The following PUM3 variants were observed in gnomAD, a reference collection of about 807,000 sequenced individuals.
PUM3 encodes the protein pumilio homolog 3.
In PUM3, 91 loss-of-function variants were observed where a neutral mutation model predicts 84.0. The ratio of observed to expected loss-of-function variants is 1.08; its 90% CI spans 0.91 to 1.29. PUM3 has a LOEUF of 1.29. Among genes scored for constraint, PUM3 ranks in the 50% most tolerant of loss-of-function variants. The probability of loss-of-function intolerance (pLI) is 0.00; values close to 1 mark genes in which losing one functional copy is unlikely to be tolerated. For synonymous variants in PUM3, 321 were observed against 266.7 expected (o/e 1.20, Z -1.98); for missense variants, 1,067 against 767.5 (o/e 1.39, Z -4.61).
Position 2,804,250 on chromosome 9 carries a change from A to G in PUM3, c.*81T>C. ...AGTACCCCAATTACCAGTATGGTGG[A>G]CCCTACCCCTTCTTTTCTGCATTGG... On this transcript the variant is annotated 3_prime_UTR_variant, in exon 18 of 18. Coordinates refer to ENST00000397885, the MANE Select transcript of PUM3 (RefSeq NM_014878.5). 1.4e-6 allele frequency: 2 copies of G among 1,405,914 alleles called. No homozygotes were observed. Among genetic ancestry groups the G allele is most frequent in the Non-Finnish European group, 2.0e-6 (2 of 1,019,496 alleles). 87.1% of individuals were successfully genotyped at this position (1,405,914 alleles called of 1,614,324 possible). A position where few individuals can be genotyped will look rare whatever the true frequency, so the allele number is the denominator to read the frequency against.
At chr9:2,820,495 T>A (rs1267364265) in intron 12 of PUM3, among the ~76,000 whole-genome samples, 1 of 151,776 alleles carries the variant, frequency 6.6e-6, no homozygotes, top group Non-Finnish European at 1.5e-5. Context: ...GATACTCCAA[T>A]CATGAAAAAG....
chr9:2,810,327 C>A lies in PUM3; in HGVS notation c.1723+17G>T. Reference sequence around the variant, plus strand: ...TTCCACATGAGATACAAGAAAAGGTCAAATTTCATAGCCTACCTTCTCTCC... The same window carrying A: ...TTCCACATGAGATACAAGAAAAGGTAAAATTTCATAGCCTACCTTCTCTCC... On this transcript the variant is annotated intron_variant, in intron 16 of 17. Coordinates refer to ENST00000397885, the MANE Select transcript of PUM3 (RefSeq NM_014878.5). 6.5e-7 allele frequency: 1 copy of A among 1,541,246 alleles called. No homozygotes were observed. The highest frequency in any genetic ancestry group is 9.0e-7 in the Non-Finnish European group (1 of 1,114,796).
In PUM3 at chr9:2,812,331, T is replaced by A. The variant is rs1486368362; in HGVS notation, c.1301A>T (p.Asn434Ile). The change falls in exon 14 of 18, where the codon AAT (asparagine) becomes ATT (isoleucine). Residue 434 changes from asparagine to isoleucine, a missense_variant. Asn to Ile is a moderately radical substitution (Grantham distance 149). Transcript: ENST00000397885. ...EIISSLPSIV[N>I]DKYGRKVLLY... The stretch of plus-strand genomic sequence containing the variant: ...TAGGACCTTCCTTCCATATTTGTCA[T>A]TTACTATGCTAGGCAATGAACTGAT... 8 of 1,591,404 alleles carry A rather than the reference T, an allele frequency of 5.0e-6. No homozygotes were observed. Among genetic ancestry groups the A allele is most frequent in the Non-Finnish European group, 6.9e-6 (8 of 1,159,664 alleles).
chr9:2,841,791 T>C (rs1449500094), intron 1 of PUM3, among the ~76,000 whole-genome samples: 3 of 151,926 alleles, frequency 2.0e-5, no homozygotes, highest in Non-Finnish European at 4.4e-5. Flanking sequence ...GTTTATAATA[T>C]AGTTTAACTG....
At chr9:2,807,219 A>T (rs959418514) in intron 17 of PUM3, among the ~76,000 whole-genome samples, 1 of 151,374 alleles carries the variant, frequency 6.6e-6, no homozygotes, top group African/African-American at 2.4e-5. Context: ...AAAAAAAAAA[A>T]TTATGTTTTG....
intron 16 of PUM3, among the ~76,000 whole-genome samples, chr9:2,808,568 T>C (rs571532031): frequency 5.3e-5 from 8 of 152,246 alleles, no homozygotes; most frequent in African/African-American, 1.7e-4. Context: ...GGACAACCTA[T>C]CTTGAAGGCA....
At chr9:2,822,775 T>G (rs1356811968) in intron 12 of PUM3, among the ~76,000 whole-genome samples, 2 of 148,750 alleles carry the variant, frequency 1.3e-5, no homozygotes, top group African/African-American at 4.9e-5. Flanking sequence ...ATTCATATTA[T>G]AATTATGAAT....
At chr9:2,833,872 G>C (rs1816050550) in intron 4 of PUM3, among the ~76,000 whole-genome samples, 159 bp downstream of exon 4, 1 of 152,178 alleles carries the variant, frequency 6.6e-6, no homozygotes, top group Non-Finnish European at 1.5e-5. Context: ...GTGACGGGCA[G>C]ACTTCCAAGT....
At chr9:2,827,750 T>G (rs1307115892) in intron 9 of PUM3, among the ~76,000 whole-genome samples, 1 of 152,196 alleles carries the variant, frequency 6.6e-6, no homozygotes, top group Admixed American at 6.5e-5. Context: ...TAACACTGCC[T>G]TTATGGGCAA....
At chr9:2,817,356 T>G (rs997930492) in intron 13 of PUM3, among the ~76,000 whole-genome samples, 2 of 152,176 alleles carry the variant, frequency 1.3e-5, no homozygotes, top group African/African-American at 4.8e-5. Flanking sequence ...TGCAAGCTAA[T>G]AATGGTTTTT....
intron 1 of PUM3, 125 bp from the exon 2 acceptor site, chr9:2,838,642 T>C (rs753519816): frequency 2.6e-5 from 16 of 615,092 alleles, no homozygotes; most frequent in African/African-American, 7.4e-5. Flanking sequence ...CAGCCAGATA[T>C]AGAATGGACA....
chr9:2,820,196 C>G (rs1318331594), intron 12 of PUM3, 98 bp from the exon 13 acceptor site: 3 of 440,572 alleles, frequency 6.8e-6, no homozygotes, highest in Non-Finnish European at 1.2e-5. Context: ...GAGCGAGACT[C>G]CGCTCAAAAA....
chr9:2,806,117 T>C (rs1176806861), intron 17 of PUM3, among the ~76,000 whole-genome samples: 5 of 152,228 alleles, frequency 3.3e-5, no homozygotes, highest in Non-Finnish European at 5.9e-5. Flanking sequence ...GAAATCCACC[T>C]AATGGGAGTT....
intron 1 of PUM3, among the ~76,000 whole-genome samples, chr9:2,843,077 C>A (rs1816310342): frequency 6.6e-6 from 1 of 152,152 alleles, no homozygotes; most frequent in Non-Finnish European, 1.5e-5. Context: ...TAAAGAGAAC[C>A]AGGGCCTATT....
At chr9:2,820,722 T>C (rs576755532) in intron 12 of PUM3, among the ~76,000 whole-genome samples, 2 of 152,254 alleles carry the variant, frequency 1.3e-5, no homozygotes, top group East Asian at 3.9e-4. Context: ...AGAGTATAAT[T>C]ATACACTGAA....
intron 12 of PUM3, 125 bp downstream of exon 12, chr9:2,823,655 GA>G (rs553665705): frequency 6.2e-6 from 3 of 480,270 alleles, no homozygotes; most frequent in Non-Finnish European, 1.1e-5. Context: ...TAGATGCAAA[GA>G]AAAATATAAT....
rs377738659 is a variant in PUM3 at position 2,824,831 on chromosome 9, T to C, written c.1036-16A>G. 36 of 1,508,158 alleles carry C rather than the reference T, an allele frequency of 2.4e-5. No homozygotes were observed. The highest frequency in any genetic ancestry group is 3.2e-5 in the Non-Finnish European group (35 of 1,110,978). The allele number at this position is 1,508,158 out of a possible 1,614,324, so 93.4% of individuals were successfully genotyped here. ...CAATCATTTCCTAGGGAACAAATGC[T>C]GTCAGGAACAGGGCTCTGCTTTATT... is the stretch of plus-strand genomic sequence containing the variant. On this transcript the variant is annotated splice_polypyrimidine_tract_variant and intron_variant, in intron 10 of 17. Transcript: ENST00000397885.
At chr9:2,831,842 A>C (rs1168930328) in intron 5 of PUM3, among the ~76,000 whole-genome samples, 1 of 152,196 alleles carries the variant, frequency 6.6e-6, no homozygotes, top group Admixed American at 6.5e-5. Flanking sequence ...AACACTGTCA[A>C]TTATATAATA....
intron 6 of PUM3, 63 bp from the exon 7 acceptor site, chr9:2,831,091 G>C: frequency 3.0e-6 from 3 of 1,014,024 alleles, no homozygotes; most frequent in Middle Eastern, 2.1e-4. Flanking sequence ...GAAACAAAGG[G>C]AGGAAATTTG....
Sources: gnomAD v4.1 joint callset for allele counts (sites outside exome capture counted in the v4.1 genomes callset) on GRCh38, gnomAD v4.1.1 for gene constraint, MANE v1.5 for transcripts, NCBI Gene and HGNC (gene_info 2026-07-23, HGNC 2026-07-21) for gene names.